The following RSRP1 variants were observed in gnomAD, a reference collection of about 807,000 sequenced individuals.
The protein encoded by RSRP1 is arginine/serine-rich protein 1.
In RSRP1, 37 loss-of-function variants were observed where a neutral mutation model predicts 33.0. The ratio of observed to expected loss-of-function variants is 1.12; its 90% CI spans 0.86 to 1.48. RSRP1 has a LOEUF of 1.48. Among genes scored for constraint, RSRP1 ranks in the 40% most tolerant of loss-of-function variants. RSRP1 has a pLI of 0.00. For synonymous variants in RSRP1, 167 were observed against 158.7 expected (o/e 1.05, Z -0.40); for missense variants, 402 against 385.3 (o/e 1.04, Z -0.36).
In RSRP1 at chr1:25,243,571, T is replaced by G. The variant is rs777036511; in HGVS notation, c.735A>C (p.Arg245Ser). The change falls in exon 4 of 5, where the codon AGA becomes AGC. Residue 245 changes from arginine (R) to serine (S), a missense_variant. Coordinates refer to ENST00000243189, the MANE Select transcript of RSRP1 (RefSeq NM_020317.5). ...RNPNEKPTQQ[R>S]SIAFSSNNSV... is the part of the protein sequence containing the mutation. The stretch of plus-strand genomic sequence containing the variant: ...TTACATTAGAGCTAAAAGCTATGCT[T>G]CTTTGCTGGGTAGGTTTTTCATTGG... 2.4e-5 allele frequency: 38 copies of G among 1,613,764 alleles called. No homozygotes were observed. The highest frequency in any genetic ancestry group is 2.2e-4 in the Admixed American group (13 of 59,988).
intron 1 of RSRP1, chr1:25,304,274 T>A (rs1293868012): frequency 1.0e-5 from 1 of 100,460 alleles, no homozygotes; most frequent in East Asian, 2.1e-4. Context: ...AAGGCTGGAT[T>A]TGGATGAACA....
chr1:25,313,740 G>A (rs866315502), intron 1 of RSRP1, among the ~76,000 whole-genome samples: 3 of 132,002 alleles, frequency 2.3e-5, no homozygotes, highest in Middle Eastern at 4.1e-3. Flanking sequence ...ACTGGGTGAG[G>A]GCATCCACTA....
chr1:25,255,378 T>C (rs192862361), intron 1 of RSRP1, among the ~76,000 whole-genome samples: 115 of 152,344 alleles, frequency 7.5e-4, no homozygotes, highest in African/African-American at 2.5e-3. Flanking sequence ...TCTTAGGAGA[T>C]TTAGCACTTG....
upstream of RSRP1, among the ~76,000 whole-genome samples, chr1:25,249,121 C>T (rs1292087458): frequency 2.6e-5 from 4 of 152,110 alleles, no homozygotes; most frequent in Non-Finnish European, 5.9e-5. Flanking sequence ...TGCAACCCAA[C>T]CTGGGCAACA....
intron 1 of RSRP1, among the ~76,000 whole-genome samples, chr1:25,331,778 T>C (rs188713449): frequency 0.064 from 4,636 of 72,540 alleles, 500 homozygotes; most frequent in African/African-American, 0.18. Context: ...CTCGCTCTGT[T>C]ACCCAGGCTG....
upstream of RSRP1, among the ~76,000 whole-genome samples, chr1:25,250,409 GGAGA>G (rs748510166): frequency 3.3e-5 from 5 of 152,180 alleles, no homozygotes; most frequent in Non-Finnish European, 5.9e-5. Context: ...CTGTCTGCTA[GGAGA>G]GAGTCACTCA....
chr1:25,249,642 A>G (rs1218811606), upstream of RSRP1, among the ~76,000 whole-genome samples: 1 of 152,188 alleles, frequency 6.6e-6, no homozygotes, highest in Non-Finnish European at 1.5e-5. Context: ...GTGCCCAGCA[A>G]ATCCTGGATA....
chr1:25,286,797 AC>A (rs1281878267), intron 1 of RSRP1, among the ~76,000 whole-genome samples: 1,421 of 131,166 alleles, frequency 0.011, 130 homozygotes, highest in African/African-American at 0.037. Flanking sequence ...AAAAAAAAAA[AC>A]AAAAACAGTT....
At chr1:25,244,105 C>A in intron 3 of RSRP1, 2 of 1,256,414 alleles carry the variant, frequency 1.6e-6, no homozygotes, top group Non-Finnish European at 2.1e-6. Context: ...CTCTGTCACC[C>A]AGGCTGGAGT....
Position 25,280,135 on chromosome 1 carries a change from C to CT in RSRP1, c.-66-33107dup, listed in dbSNP as rs1280876504. On this transcript the variant is annotated intron_variant, in intron 1 of 1. Coordinates refer to the RSRP1 transcript ENST00000561867. ...GAGCTCTGTCAACAGCTCATGGAAA[C>CT]TGCTGCCCTAATTTCATCTTGTTGG... is the stretch of plus-strand genomic sequence containing the variant. Among the ~76,000 whole-genome samples the CT allele has an allele frequency of 3.1e-5, 4 of 128,558 alleles. 1 individual carries two copies. Among genetic ancestry groups the CT allele is most frequent in the Admixed American group, 1.5e-4 (2 of 13,258 alleles). The allele number at this position is 128,558 out of a possible 152,430, so 84.3% of individuals were successfully genotyped here.
Position 25,318,547 on chromosome 1 carries a change from C to T in RSRP1, c.-67+19431G>A, listed in dbSNP as rs530758241. 5.3e-5 allele frequency among the ~76,000 whole-genome samples: 7 copies of T among 131,398 alleles called. 2 individuals carry two copies. In the South Asian group the frequency reaches 1.6e-3, roughly 31 times the overall value. 86.2% of individuals were successfully genotyped at this position (131,398 alleles called of 152,430 possible). On this transcript the variant is annotated intron_variant, in intron 1 of 1. Coordinates refer to the RSRP1 transcript ENST00000561867. Reference sequence around the variant, plus strand: ...AGGTTATAGTGAGTCGAGGTTGCACCACTGCCCTCCAGCCTAGGTGACAGA... The same window carrying T: ...AGGTTATAGTGAGTCGAGGTTGCACTACTGCCCTCCAGCCTAGGTGACAGA...
chr1:25,262,508 T>C (rs533238741), intron 1 of RSRP1, among the ~76,000 whole-genome samples: 1 of 152,244 alleles, frequency 6.6e-6, no homozygotes, highest in South Asian at 2.1e-4. Context: ...CATAGATATA[T>C]AAAAGAGGGT....
At chr1:25,334,733 C>T (rs1645057895) in intron 1 of RSRP1, among the ~76,000 whole-genome samples, 1 of 133,340 alleles carries the variant, frequency 7.5e-6, no homozygotes. Context: ...GCAGTCTCAA[C>T]ACCACATGGA....
At chr1:25,284,243 C>G (rs1178149498) in intron 1 of RSRP1, among the ~76,000 whole-genome samples, 1 of 136,084 alleles carries the variant, frequency 7.3e-6, no homozygotes, top group African/African-American at 2.5e-5. Context: ...GCGTCAAGCA[C>G]GTGTGCTTTA....
At chr1:25,280,554 C>A (rs1641397287) in intron 1 of RSRP1, among the ~76,000 whole-genome samples, 1 of 128,036 alleles carries the variant, frequency 7.8e-6, no homozygotes, top group Non-Finnish European at 1.8e-5. Flanking sequence ...GATCTGCCCA[C>A]CTCAGCCTCC....
chr1:25,319,731 CCTGT>C lies in RSRP1; in HGVS notation c.-67+18243_-67+18246del, dbSNP rs1242273352. ...ATTTGTTAATTGAGCCCTCTATGGGCCTGTCTGTATTTATTTAAGAAACAATCCT... is the reference window on the plus strand; with the variant it reads ...ATTTGTTAATTGAGCCCTCTATGGGCCTGTATTTATTTAAGAAACAATCCT... On this transcript the variant is annotated intron_variant, in intron 1 of 1. Coordinates refer to the RSRP1 transcript ENST00000561867. Among the ~76,000 whole-genome samples, 26 of 132,014 alleles carry C rather than the reference CCTGT, an allele frequency of 2.0e-4. 4 individuals carry two copies. Among genetic ancestry groups the C allele is most frequent in the African/African-American group, 6.7e-4 (26 of 38,764 alleles). 86.6% of individuals were successfully genotyped at this position (132,014 alleles called of 152,430 possible). A position where few individuals can be genotyped will look rare whatever the true frequency, so the allele number is the denominator to read the frequency against.
intron 1 of RSRP1, among the ~76,000 whole-genome samples, chr1:25,330,827 G>A (rs1264044874): frequency 7.7e-6 from 1 of 130,306 alleles, no homozygotes; most frequent in East Asian, 1.9e-4. Context: ...TCTGGAGGCT[G>A]GAAGTTCAAG....
Position 25,330,739 on chromosome 1 carries a change from C to T in RSRP1, c.-67+7239G>A. Reference sequence around the variant, plus strand: ...AATCCTTAAGCGTTGTATTAGTCTGCTTGGGCTACCATAACAGCAGCTTAA... The same window carrying T: ...AATCCTTAAGCGTTGTATTAGTCTGTTTGGGCTACCATAACAGCAGCTTAA... On this transcript the variant is annotated intron_variant, in intron 1 of 1. Coordinates refer to the RSRP1 transcript ENST00000561867. Among the ~76,000 whole-genome samples, 2 of 130,890 alleles carry T rather than the reference C, an allele frequency of 1.5e-5. 1 individual carries two copies. The highest frequency in any genetic ancestry group is 3.6e-5 in the Non-Finnish European group (2 of 55,548). The allele number at this position is 130,890 out of a possible 152,430, so 85.9% of individuals were successfully genotyped here.
chr1:25,258,866 T>G (rs910437227), intron 1 of RSRP1, among the ~76,000 whole-genome samples: 5 of 152,194 alleles, frequency 3.3e-5, no homozygotes, highest in Admixed American at 2.6e-4. Context: ...AAACACTTTG[T>G]CATTTTAGAG....
Sources: allele counts gnomAD v4.1 joint callset (sites outside exome capture counted in the v4.1 genomes callset), GRCh38; gene constraint gnomAD v4.1.1; transcripts MANE v1.5; gene names NCBI Gene and HGNC (gene_info 2026-07-23, HGNC 2026-07-21).